MAP6D1: variants seen among roughly 807,000 people sequenced by gnomAD.
MAP6D1 encodes the protein MAP6 domain containing 1, also known as MAP6 domain-containing protein 1.
Under a neutral mutation model 17.4 loss-of-function variants are expected in MAP6D1, and 13 were observed. The observed-to-expected ratio is 0.75, with a 90% confidence interval of 0.49 to 1.19. The LOEUF (loss-of-function observed/expected upper bound fraction) is 1.19, where lower values mean the gene tolerates loss of function less well. MAP6D1 is among the 50% of genes most tolerant of loss of function. The pLI, the probability that MAP6D1 is intolerant of heterozygous loss-of-function variation, is 0.00. For missense variants in MAP6D1, 313 were observed against 312.6 expected, an observed-to-expected ratio of 1.00 and a Z score of -0.01; for synonymous variants, 141 against 145.7, an observed-to-expected ratio of 0.97 and a Z score of 0.23.
At chr3:183,817,584 C>G in intron 2 of MAP6D1, 148 bp from the exon 3 acceptor site, 1 of 698,300 alleles carries the variant, frequency 1.4e-6, no homozygotes, top group Non-Finnish European at 2.4e-6. Flanking sequence ...ACTTGCCCAC[C>G]GTGAGCCATA....
intron 1 of MAP6D1, among the ~76,000 whole-genome samples, 165 bp from the exon 2 acceptor site, chr3:183,818,276 G>A (rs1174192076): frequency 6.6e-6 from 1 of 152,196 alleles, no homozygotes; most frequent in Non-Finnish European, 1.5e-5. Flanking sequence ...CAAGGCAAGT[G>A]CACTCCCGTG....
At position 183,815,993 on chromosome 3, in the gene MAP6D1, C is replaced by CTCT. The variant is rs1459745810; in HGVS notation, c.*1360_*1362dup. On this transcript the variant is annotated 3_prime_UTR_variant, in exon 3 of 3. Coordinates refer to ENST00000318631, the MANE Select transcript of MAP6D1 (RefSeq NM_024871.4). ...TTTCCACAGACACCCAGCAGGCAGC[C>CTCT]TCTTTTCTCTTAGAAAAATCAAACA... The CTCT allele has an allele frequency of 1.3e-5, 2 of 152,200 alleles. No individual in the cohort carries two copies. The highest frequency in any genetic ancestry group is 4.8e-5 in the African/African-American group (2 of 41,438). The allele number at this position is 152,200 out of a possible 1,614,324, so 9.4% of individuals were successfully genotyped here.
At position 183,818,016 on chromosome 3, in the gene MAP6D1, C is replaced by G. The variant is rs775186756; in HGVS notation, c.497G>C (p.Ser166Thr). Reference sequence around the variant, plus strand: ...GACCTGGAAGCCGGCCCCAGGGCTGCTGTCCCATCCCGAAGTGTGGGTTGT... The same window carrying G: ...GACCTGGAAGCCGGCCCCAGGGCTGGTGTCCCATCCCGAAGTGTGGGTTGT... ...VITTHTSGWD[S>T]SPGAGFQVPE... is the part of the protein sequence containing the mutation. The change falls in exon 2 of 3, where the codon AGC (serine) becomes ACC (threonine). Residue 166 changes from serine to threonine, a missense_variant. Coordinates refer to ENST00000318631, the MANE Select transcript of MAP6D1 (RefSeq NM_024871.4). 5 of 1,614,016 alleles carry G rather than the reference C, an allele frequency of 3.1e-6. No individual in the cohort carries two copies. In the South Asian group the frequency reaches 5.5e-5, roughly 18 times the overall value.
Position 183,825,198 on chromosome 3 carries a change from A to T in MAP6D1, c.350T>A (p.Val117Glu), listed in dbSNP as rs1478840611. ...PPAPGARGVY[V>E]LPIGDADAAA... is the part of the protein sequence containing the mutation. The stretch of plus-strand genomic sequence containing the variant: ...CGCGTCCGCGTCGCCGATGGGCAGC[A>T]CGTAGACCCCGCGGGCGCCGGGCGC... The change falls in exon 1 of 3, where the codon GTG becomes GAG. Residue 117 changes from valine (V) to glutamate (E), a missense_variant. Physicochemically the swap from Val to Glu is moderately radical, Grantham distance 121. Transcript: ENST00000318631. 6.9e-7 allele frequency: 1 copy of T among 1,451,932 alleles called. No homozygotes were observed. The highest frequency in any genetic ancestry group is 9.1e-7 in the Non-Finnish European group (1 of 1,099,674). The allele number at this position is 1,451,932 out of a possible 1,614,324, so 89.9% of individuals were successfully genotyped here. A position where few individuals can be genotyped will look rare whatever the true frequency, so the allele number is the denominator to read the frequency against.
chr3:183,817,980 A>T lies in MAP6D1; in HGVS notation c.519+14T>A, dbSNP rs758573110. The T allele has an allele frequency of 2.9e-5, 46 of 1,601,996 alleles. No homozygotes were observed. Among genetic ancestry groups the T allele is most frequent in the Non-Finnish European group, 3.8e-5 (44 of 1,169,118 alleles). On this transcript the variant is annotated intron_variant, in intron 2 of 2. Transcript: ENST00000318631. The stretch of plus-strand genomic sequence containing the variant: ...TCTATACCCACACCCCTGCTACACC[A>T]GCTTCCGGCTGACCTGGAAGCCGGC...
chr3:183,817,734 G>A (rs1577249532), intron 2 of MAP6D1, among the ~76,000 whole-genome samples: 1 of 152,166 alleles, frequency 6.6e-6, no homozygotes. Context: ...ACTCAGGCCA[G>A]TCACTAGCGT....
At position 183,816,659 on chromosome 3, in the gene MAP6D1, A is replaced by C. The variant is rs1727116430; in HGVS notation, c.*697T>G. 6.6e-6 allele frequency: 1 copy of C among 152,628 alleles called. No homozygotes were observed. The highest frequency in any genetic ancestry group is 2.4e-5 in the African/African-American group (1 of 41,452). The allele number at this position is 152,628 out of a possible 1,614,324, so 9.5% of individuals were successfully genotyped here. Reference sequence around the variant, plus strand: ...TCATCATCCTTATGTTAGCGGGAAAATCATTAGTAACAAAATGTGGATTCA... The same window carrying C: ...TCATCATCCTTATGTTAGCGGGAAACTCATTAGTAACAAAATGTGGATTCA... On this transcript the variant is annotated 3_prime_UTR_variant, in exon 3 of 3. Coordinates refer to ENST00000318631, the MANE Select transcript of MAP6D1 (RefSeq NM_024871.4).
intron 1 of MAP6D1, among the ~76,000 whole-genome samples, chr3:183,821,541 C>CTT (rs59131602): frequency 0.015 from 1,433 of 98,042 alleles, 17 homozygotes; most frequent in Non-Finnish European, 0.016. Flanking sequence ...TGAGGGATTG[C>CTT]TTTTTTTTTT....
rs146108804 is a variant in MAP6D1, at chr3:183,824,378, TGTA to T, written c.401+766_401+768del. On this transcript the variant is annotated intron_variant, in intron 1 of 2. Coordinates refer to ENST00000318631, the MANE Select transcript of MAP6D1 (RefSeq NM_024871.4). ...TTATTAAAATTCATGTTGCAGAACA[TGTA>T]GTAACACGGACAGACTTCTACAACT... 2.6e-3 allele frequency among the ~76,000 whole-genome samples: 400 copies of T among 152,314 alleles called. 2 individuals are homozygous for T. The highest frequency in any genetic ancestry group is 9.4e-3 in the African/African-American group (390 of 41,554).
intron 1 of MAP6D1, among the ~76,000 whole-genome samples, chr3:183,821,261 GA>G (rs772718558): frequency 3.3e-5 from 5 of 152,192 alleles, no homozygotes; most frequent in Non-Finnish European, 7.3e-5. Context: ...CTTAAGGGAT[GA>G]AAACCCATGG....
intron 1 of MAP6D1, among the ~76,000 whole-genome samples, chr3:183,822,103 A>G (rs911653673): frequency 3.9e-5 from 6 of 152,078 alleles, no homozygotes; most frequent in Non-Finnish European, 5.9e-5. Context: ...TATCCCCCCA[A>G]TTTTATTAGT....
intron 1 of MAP6D1, among the ~76,000 whole-genome samples, chr3:183,821,260 T>A (rs1383930652): frequency 1.3e-5 from 2 of 152,114 alleles, no homozygotes; most frequent in African/African-American, 4.8e-5. Context: ...TCTTAAGGGA[T>A]GAAAACCCAT....
chr3:183,825,053 C>T (rs1232451864), intron 1 of MAP6D1, 94 bp downstream of exon 1: 1 of 1,229,342 alleles, frequency 8.1e-7, no homozygotes, highest in Non-Finnish European at 1.0e-6. Context: ...CCAGGCGCCT[C>T]CGCTCTGCCG....
At chr3:183,821,382 A>T (rs1727251810) in intron 1 of MAP6D1, among the ~76,000 whole-genome samples, 1 of 152,150 alleles carries the variant, frequency 6.6e-6, no homozygotes, top group Admixed American at 6.5e-5. Context: ...GGGGACGGCA[A>T]GCACTACACG....
At chr3:183,823,039 A>C (rs1277256644) in intron 1 of MAP6D1, among the ~76,000 whole-genome samples, 1 of 152,216 alleles carries the variant, frequency 6.6e-6, no homozygotes, top group Non-Finnish European at 1.5e-5. Flanking sequence ...TCTGTTGCCT[A>C]GGTGGAGTGC....
intron 1 of MAP6D1, among the ~76,000 whole-genome samples, chr3:183,820,931 A>G (rs1444938992): frequency 6.7e-6 from 1 of 150,188 alleles, no homozygotes; most frequent in Non-Finnish European, 1.5e-5. Flanking sequence ...ATAATACAAA[A>G]TAAAAATACA....
intron 1 of MAP6D1, among the ~76,000 whole-genome samples, chr3:183,824,356 T>C (rs1577253198): frequency 6.6e-6 from 1 of 152,210 alleles, no homozygotes; most frequent in Non-Finnish European, 1.5e-5. Flanking sequence ...TGCACGTTTA[T>C]TAAAATTCAT....
chr3:183,818,958 A>G (rs1442052518), intron 1 of MAP6D1, among the ~76,000 whole-genome samples: 1 of 152,206 alleles, frequency 6.6e-6, no homozygotes, highest in Non-Finnish European at 1.5e-5. Context: ...CTCTGAACAA[A>G]AGGGACCTCC....
chr3:183,825,192 G>A lies in MAP6D1; in HGVS notation c.356C>T (p.Pro119Leu). 1 of 1,460,416 alleles carries A rather than the reference G, an allele frequency of 6.8e-7. No individual in the cohort carries two copies. Among genetic ancestry groups the A allele is most frequent in the Non-Finnish European group, 9.1e-7 (1 of 1,103,484 alleles). The allele number at this position is 1,460,416 out of a possible 1,614,324, so 90.5% of individuals were successfully genotyped here. ...TGCAGCCGCGTCCGCGTCGCCGATG[G>A]GCAGCACGTAGACCCCGCGGGCGCC... Reference protein sequence around the residue: ...APGARGVYVLPIGDADAAAAV... With the variant: ...APGARGVYVLLIGDADAAAAV... Residue 119 changes from proline (P) to leucine (L), a missense_variant, in exon 1 of 3, where the codon CCC becomes CTC. Transcript: ENST00000318631.
Sources: gnomAD v4.1 joint callset for allele counts (sites outside exome capture counted in the v4.1 genomes callset) on GRCh38, gnomAD v4.1.1 for gene constraint, MANE v1.5 for transcripts, NCBI Gene and HGNC (gene_info 2026-07-23, HGNC 2026-07-21) for gene names.